Variants in GALNT9 observed in about 807,000 individuals in gnomAD.
GALNT9 encodes polypeptide N-acetylgalactosaminyltransferase 9.
In GALNT9, 47 loss-of-function variants were observed where a neutral mutation model predicts 63.1. That is an observed-to-expected ratio of 0.75 (90% confidence interval 0.59 to 0.95). The LOEUF (loss-of-function observed/expected upper bound fraction) is 0.95. Among genes scored for constraint, GALNT9 ranks in the 40% least tolerant of loss-of-function variants. The probability of loss-of-function intolerance (pLI) is 0.00; values close to 1 mark genes in which losing one functional copy is unlikely to be tolerated. For synonymous variants in GALNT9, 396 were observed against 365.7 expected (o/e 1.08, Z -0.94); for missense variants, 829 against 874.8 (o/e 0.95, Z 0.66).
rs1878939799 is a variant in GALNT9, at chr12:132,252,169, C to T, written c.960-4142G>A. 1.3e-5 allele frequency among the ~76,000 whole-genome samples: 2 copies of T among 152,226 alleles called. No individual in the cohort carries two copies. The highest frequency in any genetic ancestry group is 2.4e-5 in the African/African-American group (1 of 41,458). On this transcript the variant is annotated intron_variant, in intron 5 of 10. Coordinates refer to ENST00000328957, the MANE Select transcript of GALNT9 (RefSeq NM_001122636.2). This position sits in a 1 kb window ranked among gnomAD's most constrained non-coding sequence, Gnocchi z 5.2. ...CACAGGCCCAGGCAGTGAGGCCACA[C>T]TCCTGCCTAGGACTGTCCCATTGAA...
rs374414835 is a variant in GALNT9 at position 132,267,885 on chromosome 12, T to TCA, written c.420-5262_420-5261dup. 8.8e-3 allele frequency among the ~76,000 whole-genome samples: 1,102 copies of TCA among 124,606 alleles called. 8 individuals carry two copies. Among genetic ancestry groups the TCA allele is most frequent in the South Asian group, 0.052 (200 of 3,874 alleles). The allele number at this position is 124,606 out of a possible 152,430, so 81.7% of individuals were successfully genotyped here. A position where few individuals can be genotyped will look rare whatever the true frequency, so the allele number is the denominator to read the frequency against. On this transcript the variant is annotated intron_variant, in intron 2 of 10. Transcript: ENST00000328957. ...ACACACGCATACAACCCACATGCAC[T>TCA]CACACGCACACACGCACACAAATCC...
chr12:132,207,215 A>G (rs1005004149), intron 6 of GALNT9, among the ~76,000 whole-genome samples: 7 of 152,160 alleles, frequency 4.6e-5, no homozygotes, highest in African/African-American at 1.4e-4. Context: ...GCCGCCTGCT[A>G]TCCGTCCCCG....
rs1248101363 is a variant in GALNT9, at chr12:132,225,592, CTATA to C, written c.1078-21906_1078-21903del. Among the ~76,000 whole-genome samples the C allele has an allele frequency of 8.4e-3, 1,239 of 146,762 alleles. 18 individuals carry two copies. Among genetic ancestry groups the C allele is most frequent in the African/African-American group, 0.03 (1,168 of 39,462 alleles). ...CCCCACACAACCCACACACCACATT[CTATA>C]TATACACACCCCACACATGCACATC... On this transcript the variant is annotated intron_variant, in intron 6 of 10. Coordinates refer to ENST00000328957, the MANE Select transcript of GALNT9 (RefSeq NM_001122636.2).
chr12:132,303,255 C>T (rs1881377994), intron 1 of GALNT9, among the ~76,000 whole-genome samples: 1 of 152,076 alleles, frequency 6.6e-6, no homozygotes, highest in Non-Finnish European at 1.5e-5. Context: ...AGGAGAGAGG[C>T]CCCCACCCCG....
At chr12:132,225,015 C>A (rs1263282208) in intron 6 of GALNT9, among the ~76,000 whole-genome samples, 2 of 128,832 alleles carry the variant, frequency 1.6e-5, no homozygotes, top group South Asian at 2.9e-4. Context: ...ATACGTACAC[C>A]CCCCCCACAC....
Position 132,197,890 on chromosome 12 carries a change from A to C in GALNT9, c.1567T>G (p.Ser523Ala). 1.2e-6 allele frequency: 2 copies of C among 1,611,716 alleles called. No individual in the cohort carries two copies. The highest frequency in any genetic ancestry group is 1.6e-4 in the Middle Eastern group (1 of 6,062). The change falls in exon 10 of 11, where the codon TCC becomes GCC. Residue 523 changes from serine to alanine, a missense_variant. Ser to Ala is a moderately conservative substitution (Grantham distance 99). Coordinates refer to ENST00000328957, the MANE Select transcript of GALNT9 (RefSeq NM_001122636.2). ...GTGCCGTCATCCACCAGACACTTGG[A>C]GTCAGGCAAGAAGGCTGTGGAGCCC... is the stretch of plus-strand genomic sequence containing the variant. ...PLGSTAFLPD[S>A]KCLVDDGTGR...
rs1197218572 is a variant in GALNT9 at position 132,316,609 on chromosome 12, T to C, written c.238+12357A>G. ...CCTCCCGGGTCCTCATCCCTCCTCC[T>C]GCCAGGGTGTGTCCCTGCTCTCTTT... On this transcript the variant is annotated intron_variant, in intron 1 of 10. Coordinates refer to ENST00000328957, the MANE Select transcript of GALNT9 (RefSeq NM_001122636.2). This position sits in a 1 kb window ranked among gnomAD's most constrained non-coding sequence, Gnocchi z 4.3. Among the ~76,000 whole-genome samples, 1 of 151,938 alleles carries C rather than the reference T, an allele frequency of 6.6e-6. No individual in the cohort carries two copies. Among genetic ancestry groups the C allele is most frequent in the East Asian group, 1.9e-4 (1 of 5,182 alleles).
At chr12:132,208,705 C>T (rs559781177) in intron 6 of GALNT9, among the ~76,000 whole-genome samples, 35 of 152,322 alleles carry the variant, frequency 2.3e-4, no homozygotes, top group African/African-American at 4.8e-4. Flanking sequence ...AGAGCAGAGC[C>T]GCTCTGCTCC....
chr12:132,317,205 C>T (rs375576658), intron 1 of GALNT9, among the ~76,000 whole-genome samples: 53 of 151,048 alleles, frequency 3.5e-4, no homozygotes, highest in African/African-American at 1.3e-3. Context: ...ATCTTACACC[C>T]CACGGCACAT....
chr12:132,276,908 GCACACATGTC>G (rs1880116673), intron 2 of GALNT9, among the ~76,000 whole-genome samples: 1 of 149,222 alleles, frequency 6.7e-6, no homozygotes, highest in African/African-American at 2.6e-5. Context: ...ACACACACAT[GCACACATGTC>G]CACACATGCA....
chr12:132,199,059 G>C (rs759491272), intron 9 of GALNT9, 115 bp downstream of exon 9: 24 of 660,990 alleles, frequency 3.6e-5, no homozygotes, highest in Non-Finnish European at 6.1e-5. Flanking sequence ...TGCAGCCCTG[G>C]TGGCCTCAGA....
intron 6 of GALNT9, among the ~76,000 whole-genome samples, chr12:132,213,535 C>T (rs886284963): frequency 1.3e-5 from 2 of 151,682 alleles, no homozygotes; most frequent in African/African-American, 2.4e-5. Flanking sequence ...GCACTCCCAC[C>T]CACATACAGG....
chr12:132,284,355 A>G (rs1399526788), intron 2 of GALNT9: 1 of 152,276 alleles, frequency 6.6e-6, no homozygotes, highest in Non-Finnish European at 1.5e-5. Flanking sequence ...CAGGCTGGCT[A>G]ACACACACGA....
chr12:132,210,820 G>A (rs1417757575), intron 6 of GALNT9, among the ~76,000 whole-genome samples: 1 of 139,216 alleles, frequency 7.2e-6, no homozygotes, highest in Non-Finnish European at 1.5e-5. Context: ...CTGGGTGGTC[G>A]CCGTCTGGAG....
intron 5 of GALNT9, among the ~76,000 whole-genome samples, chr12:132,250,030 C>A (rs910406636): frequency 6.6e-6 from 1 of 152,208 alleles, no homozygotes; most frequent in Admixed American, 6.5e-5. Context: ...GCATCAGAAG[C>A]GACTCAGCCC....
At chr12:132,220,158 C>T (rs183059606) in intron 6 of GALNT9, among the ~76,000 whole-genome samples, 1 of 152,262 alleles carries the variant, frequency 6.6e-6, no homozygotes, top group Non-Finnish European at 1.5e-5. Flanking sequence ...ACTCAGGAGG[C>T]TGAGGTGGGA....
intron 6 of GALNT9, among the ~76,000 whole-genome samples, chr12:132,213,247 G>A (rs995041674): frequency 1.8e-5 from 1 of 54,766 alleles, no homozygotes; most frequent in Non-Finnish European, 4.3e-5. Flanking sequence ...CCTCGACACG[G>A]AAACCCCACC....
At chr12:132,321,629 C>G (rs1342057798) in intron 1 of GALNT9, among the ~76,000 whole-genome samples, 3 of 152,186 alleles carry the variant, frequency 2.0e-5, no homozygotes, top group African/African-American at 7.2e-5. Context: ...GCCTCTGCAC[C>G]TGCCACCGAC....
chr12:132,308,886 C>T (rs1016993014), intron 1 of GALNT9, among the ~76,000 whole-genome samples: 3 of 151,382 alleles, frequency 2.0e-5, no homozygotes, highest in African/African-American at 4.8e-5. Context: ...TCGGGATGGC[C>T]GCACTCACGC....
Sources: gnomAD v4.1 joint callset for allele counts (sites outside exome capture counted in the v4.1 genomes callset) on GRCh38, gnomAD v4.1.1 for gene constraint, Gnocchi (gnomAD v3.1) non-coding constraint, MANE v1.5 for transcripts, NCBI Gene and HGNC (gene_info 2026-07-23, HGNC 2026-07-21) for gene names.